MARCHF10: variants seen among roughly 807,000 people sequenced by gnomAD.
MARCHF10 encodes the protein probable E3 ubiquitin-protein ligase MARCHF10.
Under a neutral mutation model 76.2 loss-of-function variants are expected in MARCHF10, and 64 were observed. The observed-to-expected ratio is 0.84, with a 90% CI of 0.69 to 1.03. MARCHF10 has a LOEUF of 1.03. Ranked by LOEUF, MARCHF10 falls within the 50% of genes least tolerant of loss-of-function variation. MARCHF10 has a pLI of 0.00. For missense variants in MARCHF10, 875 were observed against 958.0 expected, an observed-to-expected ratio of 0.91 and a Z score of 1.14; for synonymous variants, 340 against 357.5, an observed-to-expected ratio of 0.95 and a Z score of 0.55.
Position 62,765,085 on chromosome 17 carries a change from G to A in MARCHF10, c.211-5079C>T, listed in dbSNP as rs190686445. ...TTGGAGGCCAGGTGCTGTGGTTCAC[G>A]CTTGTAATCCCAGCACTTTGGGAGG... On this transcript the variant is annotated intron_variant, in intron 3 of 10. Transcript: ENST00000311269. Among the ~76,000 whole-genome samples the A allele has an allele frequency of 7.9e-5, 12 of 152,230 alleles. No homozygotes were observed. The East Asian group carries it at 2.1e-3, about 27-fold the overall frequency.
intron 10 of MARCHF10, among the ~76,000 whole-genome samples, chr17:62,704,101 T>C (rs1396303900): frequency 1.3e-5 from 2 of 151,644 alleles, no homozygotes; most frequent in Non-Finnish European, 2.9e-5. Flanking sequence ...CGGCCGCGGC[T>C]GGACGGAGCG....
rs1201372172 is a variant in MARCHF10, at chr17:62,782,146, A to G, written c.210+6334T>C. 3.3e-5 allele frequency among the ~76,000 whole-genome samples: 5 copies of G among 152,122 alleles called. No individual in the cohort carries two copies. In the East Asian group the frequency reaches 9.7e-4, roughly 30 times the overall value. Reference sequence around the variant, plus strand: ...ACTCTAGTGCCTGATGCAACATTCAATACACTGAGCTGTGGACATTGGATC... The same window carrying G: ...ACTCTAGTGCCTGATGCAACATTCAGTACACTGAGCTGTGGACATTGGATC... On this transcript the variant is annotated intron_variant, in intron 3 of 10. Transcript: ENST00000311269.
intron 3 of MARCHF10, among the ~76,000 whole-genome samples, chr17:62,774,851 C>G: frequency 6.6e-6 from 1 of 151,964 alleles, no homozygotes; most frequent in East Asian, 2.0e-4. Context: ...GTCAGGAGTT[C>G]GAGACCAGCC....
chr17:62,804,075 A>T (rs1004217075), intron 1 of MARCHF10, among the ~76,000 whole-genome samples: 4 of 152,186 alleles, frequency 2.6e-5, no homozygotes, highest in African/African-American at 9.7e-5. Flanking sequence ...GATGCTCAGG[A>T]CAGAAAGTCA....
intron 3 of MARCHF10, among the ~76,000 whole-genome samples, chr17:62,765,688 C>T (rs2092313565): frequency 6.6e-6 from 1 of 152,146 alleles, no homozygotes; most frequent in Admixed American, 6.5e-5. Context: ...ACTGACATGG[C>T]AAGCAGGACG....
At chr17:62,791,935 T>C (rs1013767741) in intron 2 of MARCHF10, among the ~76,000 whole-genome samples, 7 of 152,136 alleles carry the variant, frequency 4.6e-5, no homozygotes, top group African/African-American at 1.7e-4. Flanking sequence ...CGGCTTCCCT[T>C]ACCCTAGACT....
intron 6 of MARCHF10, among the ~76,000 whole-genome samples, chr17:62,730,422 C>T (rs1337116627): frequency 6.6e-6 from 1 of 152,162 alleles, no homozygotes; most frequent in African/African-American, 2.4e-5. Flanking sequence ...TCATCTAATA[C>T]CATACATCAA....
chr17:62,738,566 G>A lies in MARCHF10; in HGVS notation c.536-1234C>T, dbSNP rs1599165533. ...CCCTGTAGAGTGGACGGGACTCCAC[G>A]GGCCCTGGAAGGTCTGTGTTGATAA... On this transcript the variant is annotated intron_variant, in intron 5 of 10. Transcript: ENST00000311269. This position sits in a 1 kb window ranked among gnomAD's most constrained non-coding sequence, Gnocchi z 4.0. 6.6e-6 allele frequency among the ~76,000 whole-genome samples: 1 copy of A among 152,080 alleles called. No individual in the cohort carries two copies. The highest frequency in any genetic ancestry group is 1.9e-4 in the East Asian group (1 of 5,180).
intron 2 of MARCHF10, among the ~76,000 whole-genome samples, chr17:62,800,986 T>C (rs1284864720): frequency 6.6e-6 from 1 of 152,216 alleles, no homozygotes; most frequent in Non-Finnish European, 1.5e-5. Flanking sequence ...CAGTTAACTC[T>C]TTCATGTTTT....
intron 6 of MARCHF10, chr17:62,726,109 T>G (rs932597584): frequency 6.6e-6 from 1 of 152,204 alleles, no homozygotes; most frequent in Non-Finnish European, 1.5e-5. Context: ...CATTCCAGAA[T>G]GTAAGCGGCT....
chr17:62,716,311 G>A (rs1239989394), intron 8 of MARCHF10, among the ~76,000 whole-genome samples: 1 of 152,086 alleles, frequency 6.6e-6, no homozygotes, highest in Non-Finnish European at 1.5e-5. Flanking sequence ...AGTTAAACTG[G>A]CTGGGTGTGG....
intron 8 of MARCHF10, among the ~76,000 whole-genome samples, chr17:62,713,986 T>C (rs556882030): frequency 2.6e-5 from 4 of 152,360 alleles, no homozygotes; most frequent in African/African-American, 4.8e-5. Context: ...TATATTCCAC[T>C]TAAAGAAGCT....
At position 62,771,000 on chromosome 17, in the gene MARCHF10, C is replaced by T. The variant is rs370579962; in HGVS notation, c.211-10994G>A. Among the ~76,000 whole-genome samples, 12 of 151,730 alleles carry T rather than the reference C, an allele frequency of 7.9e-5. No homozygotes were observed. In the East Asian group the frequency reaches 1.6e-3, roughly 20 times the overall value. ...CCTGACTAGTAGCTGGGACTACAGG[C>T]GCCCGCCACCATGCCTGGCTAATTT... On this transcript the variant is annotated intron_variant, in intron 3 of 10. Coordinates refer to ENST00000311269, the MANE Select transcript of MARCHF10 (RefSeq NM_152598.4).
Position 62,736,276 on chromosome 17 carries a change from A to T in MARCHF10, c.1592T>A (p.Phe531Tyr), listed in dbSNP as rs2091258891. ...PFASAENHNY[F>Y]PVNSAHEFAV... ...AAATTCGTGTGCACTGTTTACTGGG[A>T]AATAATTATGGTTTTCGGCACTGGC... The change falls in exon 6 of 11, where the codon TTC becomes TAC. Residue 531 changes from phenylalanine to tyrosine, a missense_variant. Coordinates refer to ENST00000311269, the MANE Select transcript of MARCHF10 (RefSeq NM_152598.4). 1.9e-6 allele frequency: 3 copies of T among 1,614,148 alleles called. No homozygotes were observed. The highest frequency in any genetic ancestry group is 2.5e-6 in the Non-Finnish European group (3 of 1,180,018).
At chr17:62,784,526 C>A (rs1436201818) in intron 3 of MARCHF10, among the ~76,000 whole-genome samples, 1 of 152,080 alleles carries the variant, frequency 6.6e-6, no homozygotes, top group African/African-American at 2.4e-5. Context: ...CTGGCCAGGG[C>A]AATCAGGCAA....
intron 3 of MARCHF10, among the ~76,000 whole-genome samples, chr17:62,781,744 T>C (rs1303787842): frequency 6.6e-6 from 1 of 152,170 alleles, no homozygotes; most frequent in Non-Finnish European, 1.5e-5. Flanking sequence ...CATTATTTGA[T>C]GGTAAATGCC....
chr17:62,799,226 T>C (rs1379565539), intron 2 of MARCHF10, among the ~76,000 whole-genome samples: 1 of 152,190 alleles, frequency 6.6e-6, no homozygotes, highest in African/African-American at 2.4e-5. Flanking sequence ...TCTGCTTCTA[T>C]TTCCTGGGCC....
At chr17:62,793,038 A>ACC (rs2092894193) in intron 2 of MARCHF10, among the ~76,000 whole-genome samples, 1 of 131,226 alleles carries the variant, frequency 7.6e-6, no homozygotes, top group African/African-American at 2.9e-5. Flanking sequence ...CACCTCCATC[A>ACC]ACTACCACCA....
At chr17:62,709,274 G>T (rs1415057920) in intron 9 of MARCHF10, among the ~76,000 whole-genome samples, 1 of 152,204 alleles carries the variant, frequency 6.6e-6, no homozygotes, top group East Asian at 1.9e-4. Context: ...GAGGTCAGGA[G>T]TTCGAGACCA....
Sources: allele counts gnomAD v4.1 joint callset (sites outside exome capture counted in the v4.1 genomes callset), GRCh38; gene constraint gnomAD v4.1.1; non-coding constraint Gnocchi (gnomAD v3.1); transcripts MANE v1.5; gene names NCBI Gene and HGNC (gene_info 2026-07-23, HGNC 2026-07-21).